The following SSH2 variants were observed in gnomAD, a reference collection of about 807,000 sequenced individuals.
The protein encoded by SSH2 is protein phosphatase Slingshot homolog 2.
Under a neutral mutation model 135.2 loss-of-function variants are expected in SSH2, and 37 were observed. That is an observed-to-expected ratio of 0.27 (90% CI 0.21 to 0.36). The LOEUF (loss-of-function observed/expected upper bound fraction) is 0.36. SSH2 is among the 10% of genes least tolerant of loss of function. The probability of loss-of-function intolerance (pLI) is 1.00; values close to 1 mark genes in which losing one functional copy is unlikely to be tolerated. For missense variants in SSH2, 1,408 were observed against 1,765.3 expected, an observed-to-expected ratio of 0.80 and a Z score of 3.63; for synonymous variants, 628 against 646.2, an observed-to-expected ratio of 0.97 and a Z score of 0.43.
At chr17:29,766,466 AAAT>A (rs1024346936) in intron 3 of SSH2, among the ~76,000 whole-genome samples, 2 of 151,904 alleles carry the variant, frequency 1.3e-5, no homozygotes, top group Non-Finnish European at 2.9e-5. Context: ...TCAAAAAAAA[AAAT>A]AATAATAATA....
At chr17:29,721,968 T>A (rs1443731436) in intron 3 of SSH2, among the ~76,000 whole-genome samples, 2 of 152,088 alleles carry the variant, frequency 1.3e-5, no homozygotes, top group Non-Finnish European at 2.9e-5. Context: ...CAGGGTAATG[T>A]TTCTTGAAAG....
chr17:29,716,712 G>A, intron 3 of SSH2: 1 of 588,144 alleles, frequency 1.7e-6, no homozygotes, highest in Non-Finnish European at 3.2e-6. Context: ...GAAGATGGCA[G>A]TTCCGGCTGA....
At chr17:29,808,217 C>T (rs529545759) in intron 2 of SSH2, among the ~76,000 whole-genome samples, 40 of 152,318 alleles carry the variant, frequency 2.6e-4, no homozygotes, top group African/African-American at 7.5e-4. Flanking sequence ...CAACTTCCGC[C>T]TCCCAGGTTC....
chr17:29,840,887 ACAGT>A (rs2043028856), intron 2 of SSH2, among the ~76,000 whole-genome samples: 1 of 152,220 alleles, frequency 6.6e-6, no homozygotes, highest in African/African-American at 2.4e-5. Flanking sequence ...GAGTGAAGTC[ACAGT>A]CAGTAAGTGG....
chr17:29,899,088 C>T (rs960052014), intron 1 of SSH2, among the ~76,000 whole-genome samples: 3 of 152,060 alleles, frequency 2.0e-5, no homozygotes, highest in Non-Finnish European at 4.4e-5. Context: ...AACCTTCATG[C>T]TAAAAACTCT....
At chr17:29,840,840 A>G (rs138627701) in intron 2 of SSH2, among the ~76,000 whole-genome samples, 1 of 152,344 alleles carries the variant, frequency 6.6e-6, no homozygotes, top group Non-Finnish European at 1.5e-5. Context: ...AGGTACTATT[A>G]TTATTCCCAT....
At chr17:29,667,252 T>C in intron 9 of SSH2, 29 bp from the exon 10 acceptor site, 11 of 1,336,124 alleles carry the variant, frequency 8.2e-6, no homozygotes, top group Non-Finnish European at 1.2e-5. Flanking sequence ...CGATTATTCT[T>C]AAACGATATT....
rs570505246 is a variant in SSH2, at chr17:29,709,327, G to A, written c.189-6265C>T. ...TTTTCGCTTTATGATATAGTTTATGGCGGACGAAATACAATGTCTTACCTA... is the reference window on the plus strand; with the variant it reads ...TTTTCGCTTTATGATATAGTTTATGACGGACGAAATACAATGTCTTACCTA... On this transcript the variant is annotated intron_variant, in intron 3 of 15. Transcript: ENST00000540801. 4.6e-5 allele frequency among the ~76,000 whole-genome samples: 7 copies of A among 152,144 alleles called. No individual in the cohort carries two copies. In the South Asian group the frequency reaches 1.5e-3, roughly 32 times the overall value.
At chr17:29,655,666 A>G in intron 11 of SSH2, 59 bp from the exon 12 acceptor site, 1 of 1,481,768 alleles carries the variant, frequency 6.7e-7, no homozygotes, top group Non-Finnish European at 9.4e-7. Context: ...ACAATACTTG[A>G]AAAGGAGCGA....
chr17:29,758,450 A>G (rs2041198178), intron 3 of SSH2, among the ~76,000 whole-genome samples: 1 of 152,240 alleles, frequency 6.6e-6, no homozygotes, highest in South Asian at 2.1e-4. Context: ...ATAGATGTAC[A>G]TTAAACTCAG....
At chr17:29,837,590 C>T (rs2042963947) in intron 2 of SSH2, among the ~76,000 whole-genome samples, 1 of 152,164 alleles carries the variant, frequency 6.6e-6, no homozygotes, top group South Asian at 2.1e-4. Context: ...CACCCCCACC[C>T]TCGCACGGCT....
chr17:29,779,552 A>C (rs2041790945), intron 3 of SSH2, among the ~76,000 whole-genome samples: 2 of 152,114 alleles, frequency 1.3e-5, no homozygotes, highest in South Asian at 4.1e-4. Flanking sequence ...GCAAAAGATG[A>C]ACAGTGGCTG....
At chr17:29,641,308 T>G (rs1313172833) in intron 14 of SSH2, among the ~76,000 whole-genome samples, 2 of 152,238 alleles carry the variant, frequency 1.3e-5, no homozygotes, top group African/African-American at 4.8e-5. Context: ...TAGGAATAGA[T>G]GTAATGTATT....
intron 1 of SSH2, among the ~76,000 whole-genome samples, chr17:29,921,696 T>C (rs1451072084): frequency 6.6e-6 from 1 of 151,896 alleles, no homozygotes. Context: ...CCTGCCTCAG[T>C]AGGAGTAGCT....
chr17:29,895,697 T>C (rs1390377417), intron 1 of SSH2, among the ~76,000 whole-genome samples: 9 of 125,996 alleles, frequency 7.1e-5, no homozygotes, highest in Admixed American at 1.6e-4. Flanking sequence ...ATACACATTT[T>C]ATATATGAAA....
chr17:29,707,481 A>C (rs866456157), intron 3 of SSH2, among the ~76,000 whole-genome samples: 9 of 152,256 alleles, frequency 5.9e-5, no homozygotes, highest in South Asian at 2.1e-4. Flanking sequence ...AATGTCAATA[A>C]ACTTTTCTGA....
intron 5 of SSH2, among the ~76,000 whole-genome samples, chr17:29,688,144 G>A (rs960136352): frequency 1.3e-5 from 2 of 151,848 alleles, no homozygotes; most frequent in African/African-American, 4.8e-5. Flanking sequence ...CCAAGTAAAC[G>A]GGATTACGGG....
chr17:29,646,330 G>A (rs1167620718), intron 14 of SSH2, among the ~76,000 whole-genome samples: 2 of 152,194 alleles, frequency 1.3e-5, no homozygotes, highest in Middle Eastern at 3.2e-3. Flanking sequence ...CTGGTACTGA[G>A]TGGAGAGGTA....
intron 3 of SSH2, among the ~76,000 whole-genome samples, chr17:29,778,675 A>T (rs2151284138): frequency 6.7e-6 from 1 of 150,090 alleles, no homozygotes; most frequent in East Asian, 1.9e-4. Context: ...TAAATAAATA[A>T]ATAAATAAAG....
Sources: gnomAD v4.1 joint callset for allele counts (sites outside exome capture counted in the v4.1 genomes callset) on GRCh38, gnomAD v4.1.1 for gene constraint, MANE v1.5 for transcripts, NCBI Gene and HGNC (gene_info 2026-07-23, HGNC 2026-07-21) for gene names.